Variants in ST8SIA5 observed in about 807,000 individuals in gnomAD.
The protein encoded by ST8SIA5 is alpha-2,8-sialyltransferase 8E.
A neutral mutation model predicts 40.2 loss-of-function variants in ST8SIA5; 24 were observed. The observed-to-expected ratio is 0.60, with a 90% confidence interval of 0.43 to 0.84. The LOEUF (loss-of-function observed/expected upper bound fraction) is 0.84, where lower values mean the gene tolerates loss of function less well. Among genes scored for constraint, ST8SIA5 ranks in the 40% least tolerant of loss-of-function variants. The pLI is 0.00. For synonymous variants in ST8SIA5, 198 were observed against 201.8 expected (o/e 0.98, Z 0.16); for missense variants, 465 against 498.5 (o/e 0.93, Z 0.64).
At chr18:46,732,724 T>C (rs975184253) in intron 1 of ST8SIA5, among the ~76,000 whole-genome samples, 6 of 152,244 alleles carry the variant, frequency 3.9e-5, no homozygotes, top group Non-Finnish European at 7.3e-5. Context: ...TATTCATTTG[T>C]ATTTTCCCTC....
At chr18:46,683,044 C>T (rs1425551795) in intron 5 of ST8SIA5, among the ~76,000 whole-genome samples, 1 of 152,038 alleles carries the variant, frequency 6.6e-6, no homozygotes, top group Non-Finnish European at 1.5e-5. Context: ...TTTTTTATAG[C>T]AGCAATAGGA....
At position 46,679,957 on chromosome 18, in the gene ST8SIA5, G is replaced by C; in HGVS notation, c.*85C>G. 7.5e-7 allele frequency: 1 copy of C among 1,340,620 alleles called. No homozygotes were observed. The highest frequency in any genetic ancestry group is 1.0e-6 in the Non-Finnish European group (1 of 987,040). The allele number at this position is 1,340,620 out of a possible 1,614,324, so 83.0% of individuals were successfully genotyped here. A position where few individuals can be genotyped will look rare whatever the true frequency, so the allele number is the denominator to read the frequency against. ...GACAGCCTGAACGCCAGGACCCCAC[G>C]CTGCCCGGTTCGGGGCTCCCAGTTC... is the stretch of plus-strand genomic sequence containing the variant. On this transcript the variant is annotated 3_prime_UTR_variant, in exon 7 of 7. Transcript: ENST00000315087.
chr18:46,737,342 T>C (rs534005186), intron 1 of ST8SIA5, among the ~76,000 whole-genome samples: 1 of 152,326 alleles, frequency 6.6e-6, no homozygotes, highest in South Asian at 2.1e-4. Flanking sequence ...ATTTATACAC[T>C]GTCTTACATA....
At chr18:46,730,283 A>C (rs954297564) in intron 1 of ST8SIA5, 5 of 980,086 alleles carry the variant, frequency 5.1e-6, no homozygotes, top group East Asian at 2.3e-4. Context: ...TGTGACTCTC[A>C]GCATTGAACC....
In ST8SIA5 at chr18:46,676,432, C is replaced by G. The variant is rs2039339824; in HGVS notation, c.*3610G>C. On this transcript the variant is annotated 3_prime_UTR_variant, in exon 7 of 7. Coordinates refer to ENST00000315087, the MANE Select transcript of ST8SIA5 (RefSeq NM_013305.6). ...CACTCAATAAATATAATTTATTCAC[C>G]AATTCACTCACTAAATTGGCCAGCA... The G allele has an allele frequency of 6.6e-6, 1 of 152,212 alleles. No individual in the cohort carries two copies. The highest frequency in any genetic ancestry group is 6.5e-5 in the Admixed American group (1 of 15,268). The allele number at this position is 152,212 out of a possible 1,614,324, so 9.4% of individuals were successfully genotyped here.
intron 5 of ST8SIA5, among the ~76,000 whole-genome samples, chr18:46,685,342 T>A (rs2039435473): frequency 1.3e-5 from 2 of 152,076 alleles, no homozygotes; most frequent in Admixed American, 1.3e-4. Context: ...AGCTTAACCT[T>A]CAATTCTGGA....
chr18:46,738,977 G>A (rs1240279925), intron 1 of ST8SIA5, among the ~76,000 whole-genome samples: 1 of 152,188 alleles, frequency 6.6e-6, no homozygotes, highest in African/African-American at 2.4e-5. Context: ...ACAAAGCATA[G>A]GAGGGTCCTC....
chr18:46,686,816 C>T (rs868461737), intron 4 of ST8SIA5, among the ~76,000 whole-genome samples: 20 of 120,996 alleles, frequency 1.7e-4, no homozygotes, highest in African/African-American at 6.6e-4. Flanking sequence ...CAGAGAAAGG[C>T]AAAAAAAAAA....
intron 1 of ST8SIA5, among the ~76,000 whole-genome samples, chr18:46,717,827 C>T (rs913851849): frequency 6.6e-6 from 1 of 151,532 alleles, no homozygotes; most frequent in Non-Finnish European, 1.5e-5. Flanking sequence ...ACTATTTCCT[C>T]GCTTAATTCA....
At chr18:46,696,876 C>T (rs3886794) in intron 2 of ST8SIA5, among the ~76,000 whole-genome samples, 2,046 of 152,130 alleles carry the variant, frequency 0.013, 42 homozygotes, top group Admixed American at 0.047. Flanking sequence ...TATGGAAGTA[C>T]AAGAGAGTAG....
intron 1 of ST8SIA5, among the ~76,000 whole-genome samples, chr18:46,734,630 T>G (rs895106621): frequency 6.6e-6 from 1 of 152,192 alleles, no homozygotes; most frequent in African/African-American, 2.4e-5. Flanking sequence ...TAGGCAGGAC[T>G]GGAGCCCCCA....
intron 2 of ST8SIA5, among the ~76,000 whole-genome samples, chr18:46,695,964 C>T (rs910430203): frequency 1.3e-5 from 2 of 152,182 alleles, no homozygotes; most frequent in South Asian, 2.1e-4. Flanking sequence ...TATATAATGC[C>T]TTGCCAGGAA....
chr18:46,736,693 G>A (rs1412435486), intron 1 of ST8SIA5, among the ~76,000 whole-genome samples: 1 of 152,090 alleles, frequency 6.6e-6, no homozygotes, highest in African/African-American at 2.4e-5. Context: ...GGAGGAGTGA[G>A]GGGAGGGAGG....
intron 1 of ST8SIA5, among the ~76,000 whole-genome samples, chr18:46,726,010 T>TATAA (rs1568271483): frequency 4.1e-5 from 2 of 48,210 alleles, no homozygotes; most frequent in Non-Finnish European, 3.8e-5. Flanking sequence ...TATATATATA[T>TATAA]CCTGGATATA....
chr18:46,695,073 C>T (rs1411280826), intron 2 of ST8SIA5, among the ~76,000 whole-genome samples: 1 of 151,294 alleles, frequency 6.6e-6, no homozygotes, highest in Non-Finnish European at 1.5e-5. Context: ...GCAGGAGAAT[C>T]GCTTGAACCC....
In ST8SIA5 at chr18:46,725,972, A is replaced by AAATATATAT. The variant is rs59660372; in HGVS notation, c.132-21309_132-21308insATATATATT. Among the ~76,000 whole-genome samples the AAATATATAT allele has an allele frequency of 2.0e-3, 58 of 29,044 alleles. 3 individuals are homozygous for AAATATATAT. Among genetic ancestry groups the AAATATATAT allele is most frequent in the South Asian group, 5.6e-3 (4 of 720 alleles). 19.1% of individuals were successfully genotyped at this position (29,044 alleles called of 152,430 possible). ...CCCATCTCTACTTAAAAAAAAAAAAAATATATATATATATATATATATATA... is the reference window on the plus strand; with the variant it reads ...CCCATCTCTACTTAAAAAAAAAAAAAAATATATATATATATATATATATATATATATATA... On this transcript the variant is annotated intron_variant, in intron 1 of 6. Coordinates refer to ENST00000315087, the MANE Select transcript of ST8SIA5 (RefSeq NM_013305.6).
intron 1 of ST8SIA5, among the ~76,000 whole-genome samples, chr18:46,708,103 C>A (rs1568261858): frequency 1.3e-5 from 2 of 152,132 alleles, no homozygotes. Context: ...CACTGGCACA[C>A]AGGAACTACC....
chr18:46,681,601 C>A (rs2039397096), intron 6 of ST8SIA5, among the ~76,000 whole-genome samples: 1 of 152,200 alleles, frequency 6.6e-6, no homozygotes, highest in Non-Finnish European at 1.5e-5. Context: ...TGGTCACACC[C>A]TGGAAAGCTG....
rs571203866 is a variant in ST8SIA5, at chr18:46,714,209, G to A, written c.132-9545C>T. Among the ~76,000 whole-genome samples the A allele has an allele frequency of 3.5e-4, 53 of 152,206 alleles. No individual in the cohort carries two copies. In the Middle Eastern group the frequency reaches 0.014, roughly 39 times the overall value. On this transcript the variant is annotated intron_variant, in intron 1 of 6. Transcript: ENST00000315087. Reference sequence around the variant, plus strand: ...GGTGGCCATCAAGTTGGGGGATGCCGGGCTATAAATGGAGACATGCAGTGG... The same window carrying A: ...GGTGGCCATCAAGTTGGGGGATGCCAGGCTATAAATGGAGACATGCAGTGG...
Sources: gnomAD v4.1 joint callset for allele counts (sites outside exome capture counted in the v4.1 genomes callset) on GRCh38, gnomAD v4.1.1 for gene constraint, MANE v1.5 for transcripts, NCBI Gene and HGNC (gene_info 2026-07-23, HGNC 2026-07-21) for gene names.